The following KCNMA1 variants were observed in gnomAD, a reference collection of about 807,000 sequenced individuals.
KCNMA1 encodes the protein potassium calcium-activated channel subfamily M alpha 1.
Under a neutral mutation model 140.0 loss-of-function variants are expected in KCNMA1, and 29 were observed. That is an observed-to-expected ratio of 0.21 (90% CI 0.15 to 0.28). The LOEUF (loss-of-function observed/expected upper bound fraction) is 0.28, where lower values mean the gene tolerates loss of function less well. Ranked by LOEUF, KCNMA1 falls within the 10% of genes least tolerant of loss-of-function variation. The pLI is 1.00. For missense variants in KCNMA1, 880 were observed against 1,602.2 expected, an observed-to-expected ratio of 0.55 and a Z score of 7.70; for synonymous variants, 612 against 611.9, an observed-to-expected ratio of 1.00 and a Z score of 0.00.
At chr10:77,593,237 A>C (rs562290878) in intron 1 of KCNMA1, among the ~76,000 whole-genome samples, 76 of 152,236 alleles carry the variant, frequency 5.0e-4, no homozygotes, top group Admixed American at 4.6e-3. Context: ...ACCATAATCC[A>C]AAGTAAAACA....
At chr10:77,439,689 C>T (rs1170456958) in intron 1 of KCNMA1, among the ~76,000 whole-genome samples, 1 of 152,208 alleles carries the variant, frequency 6.6e-6, no homozygotes, top group East Asian at 1.9e-4. Flanking sequence ...GCAGCGGTAC[C>T]TATCTTCGGA....
intron 1 of KCNMA1, among the ~76,000 whole-genome samples, chr10:77,571,579 C>A (rs1419424857): frequency 6.6e-6 from 1 of 152,158 alleles, no homozygotes; most frequent in Admixed American, 6.6e-5. Context: ...CCCTTTGCCC[C>A]CCTGCAGATG....
chr10:77,457,389 A>G (rs1035251427), intron 1 of KCNMA1, among the ~76,000 whole-genome samples: 11 of 152,054 alleles, frequency 7.2e-5, no homozygotes, highest in African/African-American at 2.7e-4. Flanking sequence ...GTCCATCATT[A>G]TATCTATCAC....
chr10:77,429,669 T>C (rs1248921650), intron 1 of KCNMA1, among the ~76,000 whole-genome samples: 1 of 152,230 alleles, frequency 6.6e-6, no homozygotes, highest in Non-Finnish European at 1.5e-5. Flanking sequence ...AGAAGAACAC[T>C]ATTTAATTGT....
At chr10:76,971,878 G>T (rs955023278) in intron 19 of KCNMA1, among the ~76,000 whole-genome samples, 5 of 152,130 alleles carry the variant, frequency 3.3e-5, no homozygotes, top group Non-Finnish European at 2.9e-5. Flanking sequence ...AAGCAAACAG[G>T]CACTCTGAGC....
intron 2 of KCNMA1, among the ~76,000 whole-genome samples, chr10:77,332,412 G>A (rs2086801187): frequency 2.0e-5 from 3 of 152,182 alleles, no homozygotes. Flanking sequence ...AGCTGAAGCA[G>A]CCTCCAGCTG....
At chr10:77,514,155 G>T (rs978197711) in intron 1 of KCNMA1, among the ~76,000 whole-genome samples, 3 of 152,228 alleles carry the variant, frequency 2.0e-5, no homozygotes, top group African/African-American at 7.2e-5. Flanking sequence ...TGCCTGCCCT[G>T]ATGCGTCAGA....
rs1052746087 is a variant in KCNMA1, at chr10:77,391,636, GTT to G, written c.540+12224_540+12225del. Among the ~76,000 whole-genome samples, 170 of 151,880 alleles carry G rather than the reference GTT, an allele frequency of 1.1e-3. 1 individual carries two copies. Among genetic ancestry groups the G allele is most frequent in the African/African-American group, 4.0e-3 (165 of 41,370 alleles). ...TTTTTGTTTGTTTGTTTGTTTGTTT[GTT>G]TGTTTGTTTTTTTCTGGAAAAAGCC... On this transcript the variant is annotated intron_variant, in intron 2 of 27. Coordinates refer to ENST00000286628, the MANE Select transcript of KCNMA1 (RefSeq NM_001161352.2).
chr10:77,625,273 C>G (rs1173607590), intron 1 of KCNMA1, among the ~76,000 whole-genome samples: 1 of 152,002 alleles, frequency 6.6e-6, no homozygotes. Context: ...CCCAGCTACT[C>G]CGGAGGCTGA....
intron 1 of KCNMA1, among the ~76,000 whole-genome samples, chr10:77,449,027 C>T (rs777822659): frequency 1.7e-4 from 26 of 150,476 alleles, no homozygotes; most frequent in Admixed American, 3.3e-4. Flanking sequence ...GTGGAGGTTG[C>T]AGTGAGCCGA....
chr10:77,461,948 A>T (rs1307147478), intron 1 of KCNMA1, among the ~76,000 whole-genome samples: 1 of 152,168 alleles, frequency 6.6e-6, no homozygotes, highest in Non-Finnish European at 1.5e-5. Flanking sequence ...CCCACTGACT[A>T]TGGGGCTTCA....
At chr10:77,139,861 A>G (rs1025901504) in intron 5 of KCNMA1, among the ~76,000 whole-genome samples, 6 of 152,186 alleles carry the variant, frequency 3.9e-5, no homozygotes, top group African/African-American at 1.4e-4. Context: ...GGTCAAATGT[A>G]AGGACAGAAA....
chr10:77,107,922 C>T (rs2097229706), intron 9 of KCNMA1, among the ~76,000 whole-genome samples: 1 of 152,168 alleles, frequency 6.6e-6, no homozygotes. Context: ...TCTTGCTACA[C>T]ACAAACCACC....
chr10:77,027,381 T>C (rs1184096664), intron 16 of KCNMA1, among the ~76,000 whole-genome samples: 1 of 152,166 alleles, frequency 6.6e-6, no homozygotes, highest in Non-Finnish European at 1.5e-5. Flanking sequence ...TGGTACACAA[T>C]AGGCTGCTTG....
intron 20 of KCNMA1, among the ~76,000 whole-genome samples, chr10:76,960,011 G>A (rs2070356389): frequency 6.6e-6 from 1 of 152,168 alleles, no homozygotes; most frequent in African/African-American, 2.4e-5. Flanking sequence ...GCTGCAGGGT[G>A]CCCACCTCAT....
intron 2 of KCNMA1, among the ~76,000 whole-genome samples, chr10:77,308,070 CT>C (rs1417069264): frequency 6.6e-6 from 1 of 152,140 alleles, no homozygotes; most frequent in African/African-American, 2.4e-5. Flanking sequence ...CGACAAGGTG[CT>C]GTAGATGAGC....
At chr10:77,170,036 C>T (rs1447381994) in intron 5 of KCNMA1, among the ~76,000 whole-genome samples, 1 of 151,970 alleles carries the variant, frequency 6.6e-6, no homozygotes, top group Non-Finnish European at 1.5e-5. Context: ...ACTAAAAATA[C>T]AAAAATTAGC....
chr10:77,021,553 A>G (rs2092853099), intron 16 of KCNMA1, among the ~76,000 whole-genome samples: 1 of 152,232 alleles, frequency 6.6e-6, no homozygotes, highest in Admixed American at 6.5e-5. Context: ...AAGGAAATCC[A>G]AAGCATTTTA....
intron 5 of KCNMA1, among the ~76,000 whole-genome samples, chr10:77,152,374 T>C (rs2098431346): frequency 6.6e-6 from 1 of 151,906 alleles, no homozygotes; most frequent in African/African-American, 2.4e-5. Context: ...CAGGAGAACC[T>C]GAGAAAAGGA....
Sources: allele counts gnomAD v4.1 joint callset (sites outside exome capture counted in the v4.1 genomes callset), GRCh38; gene constraint gnomAD v4.1.1; transcripts MANE v1.5; gene names NCBI Gene and HGNC (gene_info 2026-07-23, HGNC 2026-07-21).